Variants in CRYBG3 observed in about 807,000 individuals in gnomAD.
The protein encoded by CRYBG3 is crystallin beta-gamma domain containing 3.
Under a neutral mutation model 244.2 loss-of-function variants are expected in CRYBG3, and 127 were observed. The observed-to-expected ratio is 0.52, with a 90% CI of 0.45 to 0.60. The LOEUF (loss-of-function observed/expected upper bound fraction) is 0.60. Among genes scored for constraint, CRYBG3 ranks in the 20% least tolerant of loss-of-function variants. The pLI is 0.00. For missense variants in CRYBG3, 3,325 were observed against 3,442.5 expected (o/e 0.97, Z 0.85); for synonymous variants, 1,132 against 1,195.8 (o/e 0.95, Z 1.10).
intron 2 of CRYBG3, 56 bp from the exon 3 acceptor site, chr3:97,864,161 A>G (rs2039191319): frequency 1.6e-6 from 2 of 1,289,144 alleles, no homozygotes; most frequent in African/African-American, 3.0e-5. Context: ...ATAGCTTATC[A>G]GTCTGTTTCA....
chr3:97,910,526 C>T (rs2039857431), intron 15 of CRYBG3, among the ~76,000 whole-genome samples: 1 of 152,230 alleles, frequency 6.6e-6, no homozygotes, highest in South Asian at 2.1e-4. Flanking sequence ...TGCTGTCCGT[C>T]ACCCCTTTCT....
chr3:97,918,699 A>G (rs892206909), intron 17 of CRYBG3, among the ~76,000 whole-genome samples: 1 of 152,222 alleles, frequency 6.6e-6, no homozygotes, highest in Non-Finnish European at 1.5e-5. Flanking sequence ...CAAAATGGCA[A>G]GACAGTTGCA....
chr3:97,944,251 C>T lies in CRYBG3; in HGVS notation c.*937C>T, dbSNP rs2040299650. The T allele has an allele frequency of 6.6e-6, 1 of 151,774 alleles. No homozygotes were observed. The highest frequency in any genetic ancestry group is 1.5e-5 in the Non-Finnish European group (1 of 67,856). 9.4% of individuals were successfully genotyped at this position (151,774 alleles called of 1,614,324 possible). The stretch of plus-strand genomic sequence containing the variant: ...ATAACAGAAACCTCAGTTTTTCACT[C>T]CCATTGTAAGTAACTTTTATTTAAG... On this transcript the variant is annotated 3_prime_UTR_variant, in exon 22 of 22. Transcript: ENST00000389622.
chr3:97,825,341 T>C (rs1295135586), intron 1 of CRYBG3, among the ~76,000 whole-genome samples: 3 of 152,218 alleles, frequency 2.0e-5, no homozygotes, highest in African/African-American at 7.2e-5. Context: ...ATGATGGACC[T>C]GTTTAAAATG....
At chr3:97,933,321 AG>A (rs2040119146) in intron 17 of CRYBG3, among the ~76,000 whole-genome samples, 1 of 152,038 alleles carries the variant, frequency 6.6e-6, no homozygotes, top group Non-Finnish European at 1.5e-5. Flanking sequence ...CCTAGAAATT[AG>A]GGTGCCATTC....
At position 97,896,025 on chromosome 3, in the gene CRYBG3, A is replaced by C. The variant is rs1165459037; in HGVS notation, c.7641A>C (p.Glu2547Asp). The change falls in exon 12 of 22, where the codon GAA becomes GAC. Residue 2547 changes from glutamate (E) to aspartate (D), a missense_variant. Transcript: ENST00000389622. The stretch of plus-strand genomic sequence containing the variant: ...TTCTGCTTGAAGAAGGAGACTTTGA[A>C]GACAGTAATGCTTGTGGTGCATTAA... ...QQFLLEEGDF[E>D]DSNACGALSS... is the part of the protein sequence containing the mutation. 1 of 1,613,460 alleles carries C rather than the reference A, an allele frequency of 6.2e-7. No homozygotes were observed. Among genetic ancestry groups the C allele is most frequent in the Non-Finnish European group, 8.5e-7 (1 of 1,179,696 alleles).
intron 17 of CRYBG3, among the ~76,000 whole-genome samples, chr3:97,920,278 TG>T (rs1274101169): frequency 1.3e-5 from 2 of 152,140 alleles, no homozygotes; most frequent in Admixed American, 6.6e-5. Context: ...CAAGTGTAGA[TG>T]TTTCTCAGAT....
chr3:97,877,655 A>C lies in CRYBG3; in HGVS notation c.6461A>C (p.Glu2154Ala). 1 of 1,614,140 alleles carries C rather than the reference A, an allele frequency of 6.2e-7. No homozygotes were observed. Among genetic ancestry groups the C allele is most frequent in the Non-Finnish European group, 8.5e-7 (1 of 1,180,012 alleles). ...GCTGATGAGGAAGAAGAGGAGGAGGAGGCAGCAGTATTGCATAAAGGAGAT... is the reference window on the plus strand; with the variant it reads ...GCTGATGAGGAAGAAGAGGAGGAGGCGGCAGCAGTATTGCATAAAGGAGAT... ...EAADEEEEEE[E>A]AAVLHKGDLR... is the part of the protein sequence containing the mutation. The change falls in exon 4 of 22, where the codon GAG becomes GCG. Residue 2154 changes from glutamate (E) to alanine (A), a missense_variant. Glu to Ala is a moderately radical substitution (Grantham distance 107). This residue lies in a region of CRYBG3 where 450 missense variants were observed against 424.1 expected (regional missense o/e 1.06). Coordinates refer to ENST00000389622, the MANE Select transcript of CRYBG3 (RefSeq NM_153605.4).
In CRYBG3 at chr3:97,875,874, A is replaced by G; in HGVS notation, c.4680A>G (p.Lys1560=). The G allele has an allele frequency of 2.4e-6, 3 of 1,232,052 alleles. No individual in the cohort carries two copies. The highest frequency in any genetic ancestry group is 3.0e-6 in the Non-Finnish European group (3 of 987,916). 76.3% of individuals were successfully genotyped at this position (1,232,052 alleles called of 1,614,324 possible). ...AGGATGCTGAATTGAATATTCTGAA[A>G]TATGAGGCAGTCCCTCCTATGATAG... is the stretch of plus-strand genomic sequence containing the variant. ...NKKDAELNIL[K]YEAVPPMIEM... The change falls in exon 4 of 22, where the codon AAA becomes AAG. Residue 1560 remains lysine (K), a synonymous_variant. Coordinates refer to ENST00000389622, the MANE Select transcript of CRYBG3 (RefSeq NM_153605.4).
Position 97,833,364 on chromosome 3 carries a change from C to T in CRYBG3, c.150-9831C>T, listed in dbSNP as rs551947116. ...TAAAGAAAATGTGGCACATATACACCGTGGAATACTATACAGCCATAAAAA... is the reference window on the plus strand; with the variant it reads ...TAAAGAAAATGTGGCACATATACACTGTGGAATACTATACAGCCATAAAAA... On this transcript the variant is annotated intron_variant, in intron 1 of 21. Coordinates refer to ENST00000389622, the MANE Select transcript of CRYBG3 (RefSeq NM_153605.4). Among the ~76,000 whole-genome samples, 6 of 152,246 alleles carry T rather than the reference C, an allele frequency of 3.9e-5. No homozygotes were observed. In the South Asian group the frequency reaches 6.2e-4, roughly 16 times the overall value.
At chr3:97,924,664 A>G (rs997532336) in intron 17 of CRYBG3, among the ~76,000 whole-genome samples, 13 of 152,056 alleles carry the variant, frequency 8.5e-5, no homozygotes, top group Non-Finnish European at 1.5e-4. Flanking sequence ...TTCATCTTCA[A>G]AGTGCATCAC....
chr3:97,937,879 A>G (rs897398624), intron 19 of CRYBG3, among the ~76,000 whole-genome samples: 1 of 152,142 alleles, frequency 6.6e-6, no homozygotes, highest in African/African-American at 2.4e-5. Flanking sequence ...TGCCAATATT[A>G]TTAAAGCTTA....
intron 15 of CRYBG3, among the ~76,000 whole-genome samples, chr3:97,905,139 A>G (rs1056384274): frequency 6.6e-5 from 10 of 152,046 alleles, no homozygotes; most frequent in African/African-American, 2.4e-4. Flanking sequence ...AATCCAGTCT[A>G]TCATTGTTGG....
chr3:97,829,812 C>T (rs187951757), intron 1 of CRYBG3, among the ~76,000 whole-genome samples: 28 of 152,258 alleles, frequency 1.8e-4, no homozygotes, highest in African/African-American at 5.8e-4. Context: ...GCAGACATTG[C>T]CCAAATCTTT....
At chr3:97,915,799 A>G in intron 17 of CRYBG3, 63 bp downstream of exon 17, 1 of 1,247,674 alleles carries the variant, frequency 8.0e-7, no homozygotes, top group Non-Finnish European at 1.1e-6. Context: ...AATTACCACC[A>G]ATGATAATGT....
At chr3:97,842,809 A>C (rs1169062687) in intron 1 of CRYBG3, among the ~76,000 whole-genome samples, 1 of 152,178 alleles carries the variant, frequency 6.6e-6, no homozygotes, top group Non-Finnish European at 1.5e-5. Flanking sequence ...GTTCCAAATA[A>C]CACCCAGCAT....
intron 3 of CRYBG3, chr3:97,867,238 TTAC>T (rs2108207599): frequency 6.6e-6 from 1 of 152,304 alleles, no homozygotes; most frequent in East Asian, 1.9e-4. Flanking sequence ...AAAAAATTAT[TTAC>T]TACTTTAAAA....
rs373958052 is a variant in CRYBG3, at chr3:97,879,969, A to G, written c.6889-16A>G. On this transcript the variant is annotated splice_polypyrimidine_tract_variant and intron_variant, in intron 5 of 21. Transcript: ENST00000389622. Reference sequence around the variant, plus strand: ...TTAGTTATTGTAACTACTTACTGCTATTTACTGTGTTGCAGATGGTTATCT... The same window carrying G: ...TTAGTTATTGTAACTACTTACTGCTGTTTACTGTGTTGCAGATGGTTATCT... 9.4e-6 allele frequency: 12 copies of G among 1,272,966 alleles called. 1 individual carries two copies. The African/African-American group carries it at 1.2e-4, about 12-fold the overall frequency. The allele number at this position is 1,272,966 out of a possible 1,614,324, so 78.9% of individuals were successfully genotyped here. A position where few individuals can be genotyped will look rare whatever the true frequency, so the allele number is the denominator to read the frequency against.
In CRYBG3 at chr3:97,876,234, C is replaced by G. The variant is rs184877908; in HGVS notation, c.5040C>G (p.Gly1680=). 25 of 1,231,770 alleles carry G rather than the reference C, an allele frequency of 2.0e-5. No individual in the cohort carries two copies. Among genetic ancestry groups the G allele is most frequent in the Non-Finnish European group, 2.4e-5 (24 of 987,882 alleles). The allele number at this position is 1,231,770 out of a possible 1,614,324, so 76.3% of individuals were successfully genotyped here. ...IYQTHAEGDI[G]KTGTIALSEV... Reference sequence around the variant, plus strand: ...AAACGCATGCTGAAGGGGATATTGGCAAGACTGGGACGATAGCCTTGTCAG... The same window carrying G: ...AAACGCATGCTGAAGGGGATATTGGGAAGACTGGGACGATAGCCTTGTCAG... Residue 1680 remains glycine (G), a synonymous_variant, in exon 4 of 22, where the codon GGC becomes GGG. Coordinates refer to ENST00000389622, the MANE Select transcript of CRYBG3 (RefSeq NM_153605.4).
Sources: gnomAD v4.1 joint callset for allele counts (sites outside exome capture counted in the v4.1 genomes callset) on GRCh38, gnomAD v4.1.1 for gene constraint, gnomAD v4.1.1 regional missense constraint, MANE v1.5 for transcripts, NCBI Gene and HGNC (gene_info 2026-07-23, HGNC 2026-07-21) for gene names.